Variants in USP51 observed in about 807,000 individuals in gnomAD.
USP51 encodes the protein ubiquitin specific peptidase 51.
Under a neutral mutation model 17.6 loss-of-function variants are expected in USP51, and 5 were observed. That is an observed-to-expected ratio of 0.28 (90% CI 0.15 to 0.60). The LOEUF is 0.60. Among genes scored for constraint, USP51 ranks in the 20% least tolerant of loss-of-function variants. The pLI, the probability that USP51 is intolerant of heterozygous loss-of-function variation, is 0.88. For synonymous variants in USP51, 248 were observed against 216.1 expected (o/e 1.15, Z -1.29); for missense variants, 459 against 559.5 (o/e 0.82, Z 1.81).
In USP51 at chrX:55,485,477, C is replaced by T. The variant is rs921255379; in HGVS notation, c.*1327G>A. 3 of 104,415 alleles carry T rather than the reference C, an allele frequency of 2.9e-5. No homozygotes were observed. Among genetic ancestry groups the T allele is most frequent in the Non-Finnish European group, 5.9e-5 (3 of 51,249 alleles). The allele number at this position is 104,415 out of a possible 1,213,427, so 8.6% of individuals were successfully genotyped here. A position where few individuals can be genotyped will look rare whatever the true frequency, so the allele number is the denominator to read the frequency against. ...TTAAAATGTCTATTTCCTTTTCCAA[C>T]GTATATTGATATATCAACATAAAGC... On this transcript the variant is annotated 3_prime_UTR_variant, in exon 3 of 3. Transcript: ENST00000500968.
At position 55,488,761 on chromosome X, in the gene USP51, GGCTCCA is replaced by G. The variant is rs1303317370; in HGVS notation, c.173_178del (p.Leu58_Glu59del). 1 of 1,209,101 alleles carries G rather than the reference GGCTCCA, an allele frequency of 8.3e-7. No individual in the cohort carries two copies. Among genetic ancestry groups the G allele is most frequent in the Non-Finnish European group, 1.1e-6 (1 of 895,517 alleles). On this transcript the variant is annotated inframe_deletion, in exon 3 of 3. Transcript: ENST00000500968. ...CGGCGCGGGCTCACGCTCTTGTAAT[GGCTCCA>G]GCTTCATCTCCTCGGCTTCACGTCT...
At position 55,485,393 on chromosome X, in the gene USP51, G is replaced by A. The variant is rs2031299218; in HGVS notation, c.*1411C>T. On this transcript the variant is annotated 3_prime_UTR_variant, in exon 3 of 3. Coordinates refer to ENST00000500968, the MANE Select transcript of USP51 (RefSeq NM_201286.4). ...GGGCATGGAATCTCAAGAGGGGAAGGTGGGTTAGTTAGTGTTTAGGCCTTG... is the reference window on the plus strand; with the variant it reads ...GGGCATGGAATCTCAAGAGGGGAAGATGGGTTAGTTAGTGTTTAGGCCTTG... 1 of 111,112 alleles carries A rather than the reference G, an allele frequency of 9.0e-6. No homozygotes were observed. The highest frequency in any genetic ancestry group is 1.9e-5 in the Non-Finnish European group (1 of 53,036). The allele number at this position is 111,112 out of a possible 1,213,427, so 9.2% of individuals were successfully genotyped here.
rs1469941441 is a variant in USP51, at chrX:55,488,418, C to G, written c.522G>C (p.Gly174=). ...ACCAGTCCCCTAAGCCGCCAGGATCCCCCGACCCGTCTAGGTCACCAGAGC... is the reference window on the plus strand; with the variant it reads ...ACCAGTCCCCTAAGCCGCCAGGATCGCCCGACCCGTCTAGGTCACCAGAGC... ...RSCSGDLDGS[G]DPGGLGDWLL... Residue 174 remains glycine (G), a synonymous_variant, in exon 3 of 3, where the codon GGG becomes GGC. Coordinates refer to ENST00000500968, the MANE Select transcript of USP51 (RefSeq NM_201286.4). The G allele has an allele frequency of 8.3e-7, 1 of 1,211,409 alleles. No homozygotes were observed. The highest frequency in any genetic ancestry group is 1.7e-5 in the African/African-American group (1 of 57,904).
rs1342901315 is a variant in USP51 at position 55,489,311 on chromosome X, C to A, written c.-192G>T. On this transcript the variant is annotated 5_prime_UTR_variant, in exon 2 of 3. Coordinates refer to ENST00000500968, the MANE Select transcript of USP51 (RefSeq NM_201286.4). ...GCGCCACCCTCTGACTGCTTTTTTGCGCCCTGCGCAGCCTCGCTTTGGTGC... is the reference window on the plus strand; with the variant it reads ...GCGCCACCCTCTGACTGCTTTTTTGAGCCCTGCGCAGCCTCGCTTTGGTGC... 1 of 167,978 alleles carries A rather than the reference C, an allele frequency of 6.0e-6. No individual in the cohort carries two copies. 13.8% of individuals were successfully genotyped at this position (167,978 alleles called of 1,213,427 possible).
chrX:55,486,490 G>C lies in USP51; in HGVS notation c.*314C>G. On this transcript the variant is annotated 3_prime_UTR_variant, in exon 3 of 3. Transcript: ENST00000500968. ...ACAAGATATTTCTGTAAAAACAAAT[G>C]ACATAGAGTAGCATCAGAACACTTC... 1 of 196,559 alleles carries C rather than the reference G, an allele frequency of 5.1e-6. No homozygotes were observed. The highest frequency in any genetic ancestry group is 9.2e-5 in the East Asian group (1 of 10,862). 16.2% of individuals were successfully genotyped at this position (196,559 alleles called of 1,213,427 possible). A position where few individuals can be genotyped will look rare whatever the true frequency, so the allele number is the denominator to read the frequency against.
At position 55,485,503 on chromosome X, in the gene USP51, T is replaced by G. The variant is rs936703926; in HGVS notation, c.*1301A>C. On this transcript the variant is annotated 3_prime_UTR_variant, in exon 3 of 3. Coordinates refer to ENST00000500968, the MANE Select transcript of USP51 (RefSeq NM_201286.4). ...GTATATTGATATATCAACATAAAGC[T>G]CAAAAAAAAAAATATATATATATAT... 3 of 95,483 alleles carry G rather than the reference T, an allele frequency of 3.1e-5. No individual in the cohort carries two copies. The highest frequency in any genetic ancestry group is 6.3e-5 in the Non-Finnish European group (3 of 47,402). The allele number at this position is 95,483 out of a possible 1,213,427, so 7.9% of individuals were successfully genotyped here.
chrX:55,489,220 C>A lies in USP51; in HGVS notation c.-101G>T, dbSNP rs2031386616. On this transcript the variant is annotated 5_prime_UTR_variant, in exon 2 of 3. Coordinates refer to ENST00000500968, the MANE Select transcript of USP51 (RefSeq NM_201286.4). ...CAGGGGACTGGGAACAGAAGGCTAG[C>A]GAGCGGTGGGGGTGGGGAACGGCCT... 3.0e-6 allele frequency: 1 copy of A among 335,462 alleles called. No individual in the cohort carries two copies. The highest frequency in any genetic ancestry group is 5.2e-6 in the Non-Finnish European group (1 of 194,117). The allele number at this position is 335,462 out of a possible 1,213,427, so 27.6% of individuals were successfully genotyped here. A position where few individuals can be genotyped will look rare whatever the true frequency, so the allele number is the denominator to read the frequency against.
Position 55,488,672 on chromosome X carries a change from G to T in USP51, c.268C>A (p.Arg90Ser). 8.4e-7 allele frequency: 1 copy of T among 1,197,025 alleles called. No homozygotes were observed. Among genetic ancestry groups the T allele is most frequent in the Non-Finnish European group, 1.1e-6 (1 of 893,615 alleles). ...ACGGGCGAGGAGCTGCTGTGACAGC[G>T]AAGGGGGATTGAAGGGAGCACCTTC... ...DEKVLPSIPL[R>S]CHSSSSPVCP... Residue 90 changes from arginine (R) to serine (S), a missense_variant, in exon 3 of 3, where the codon CGC becomes AGC. Transcript: ENST00000500968.
In USP51 at chrX:55,486,069, T is replaced by A. The variant is rs1382110526; in HGVS notation, c.*735A>T. 2 of 111,514 alleles carry A rather than the reference T, an allele frequency of 1.8e-5. No homozygotes were observed. The highest frequency in any genetic ancestry group is 3.8e-5 in the Non-Finnish European group (2 of 52,987). The allele number at this position is 111,514 out of a possible 1,213,427, so 9.2% of individuals were successfully genotyped here. A position where few individuals can be genotyped will look rare whatever the true frequency, so the allele number is the denominator to read the frequency against. ...TGAAACTTTTAAGATGTTCCTTTGTTTCTAACTTTAATTTTTAACAGTATT... is the reference window on the plus strand; with the variant it reads ...TGAAACTTTTAAGATGTTCCTTTGTATCTAACTTTAATTTTTAACAGTATT... On this transcript the variant is annotated 3_prime_UTR_variant, in exon 3 of 3. Coordinates refer to ENST00000500968, the MANE Select transcript of USP51 (RefSeq NM_201286.4).
Position 55,487,450 on chromosome X carries a change from G to A in USP51, c.1490C>T (p.Thr497Ile). The A allele has an allele frequency of 8.3e-7, 1 of 1,212,040 alleles. No individual in the cohort carries two copies. Among genetic ancestry groups the A allele is most frequent in the East Asian group, 3.0e-5 (1 of 33,858 alleles). ...IFTGGLQSDV[T>I]CQACHSVSTT... ...AGAAACACTATGGCAGGCTTGACAT[G>A]TGACATCTGATTGCAGGCCACCTGT... Residue 497 changes from threonine (T) to isoleucine (I), a missense_variant, in exon 3 of 3, where the codon ACA (threonine) becomes ATA (isoleucine). Thr to Ile is a moderately conservative substitution (Grantham distance 89, BLOSUM62 -1). Coordinates refer to ENST00000500968, the MANE Select transcript of USP51 (RefSeq NM_201286.4).
Position 55,487,900 on chromosome X carries a change from T to G in USP51, c.1040A>C (p.Lys347Thr). 1.7e-6 allele frequency: 2 copies of G among 1,186,861 alleles called. No homozygotes were observed. The highest frequency in any genetic ancestry group is 2.3e-6 in the Non-Finnish European group (2 of 885,559). ...CTTTTTTCTTCTCTTTTTCTTGGGT[T>G]TCACCAATTTTGGCTCCTGTTCCTT... Reference protein sequence around the residue: ...ETKEQEPKLVKPKKKRRKKSV... With the variant: ...ETKEQEPKLVTPKKKRRKKSV... Residue 347 changes from lysine to threonine, a missense_variant, in exon 3 of 3, where the codon AAA (lysine) becomes ACA (threonine). By Grantham distance (78) the Lys-to-Thr change is moderately conservative (BLOSUM62 -1). This residue lies in a region of USP51 where 227 missense variants were observed against 365.5 expected (regional missense o/e 0.62). Transcript: ENST00000500968.
In USP51 at chrX:55,486,621, C is replaced by T. The variant is rs763709617; in HGVS notation, c.*183G>A. 1 of 505,628 alleles carries T rather than the reference C, an allele frequency of 2.0e-6. No homozygotes were observed. Among genetic ancestry groups the T allele is most frequent in the East Asian group, 3.9e-5 (1 of 25,676 alleles). 41.7% of individuals were successfully genotyped at this position (505,628 alleles called of 1,213,427 possible). On this transcript the variant is annotated 3_prime_UTR_variant, in exon 3 of 3. Coordinates refer to ENST00000500968, the MANE Select transcript of USP51 (RefSeq NM_201286.4). ...CCCATTTCTTAAGGTTGAATGGTCA[C>T]TGGTTAGTATTCATTTTTTTCTTCC...
rs1290027873 is a variant in USP51 at position 55,488,909 on chromosome X, A to C, written c.31T>G (p.Ser11Ala). 4 of 1,207,045 alleles carry C rather than the reference A, an allele frequency of 3.3e-6. No homozygotes were observed. The highest frequency in any genetic ancestry group is 2.2e-5 in the Admixed American group (1 of 45,785). The change falls in exon 3 of 3, where the codon TCC becomes GCC. Residue 11 changes from serine to alanine, a missense_variant. This residue lies in a region of USP51 where 232 missense variants were observed against 194.0 expected (regional missense o/e 1.20). Coordinates refer to ENST00000500968, the MANE Select transcript of USP51 (RefSeq NM_201286.4). MAQVRETSLP[S>A]GSGVRWISGG... ...GAGATCCAGCGGACCCCAGAGCCGG[A>C]GGGCAAAGAAGTTTCTCGAACCTGG...
At position 55,487,373 on chromosome X, in the gene USP51, C is replaced by A; in HGVS notation, c.1567G>T (p.Ala523Ser). Residue 523 changes from alanine to serine, a missense_variant, in exon 3 of 3, where the codon GCC (alanine) becomes TCC (serine). This residue lies in a region of USP51 where 227 missense variants were observed against 365.5 expected (regional missense o/e 0.62). Transcript: ENST00000500968. ...DISLDLPGSC[A>S]TFDSQNPERA... ...TCTGGGTTCTGGGAATCGAATGTGG[C>A]ACAAGAGCCAGGCAAGTCCAAACTG... The A allele has an allele frequency of 8.3e-7, 1 of 1,211,819 alleles. No homozygotes were observed. Among genetic ancestry groups the A allele is most frequent in the South Asian group, 1.8e-5 (1 of 56,962 alleles).
At position 55,487,941 on chromosome X, in the gene USP51, T is replaced by G. The variant is rs1489695461; in HGVS notation, c.999A>C (p.Gln333His). The G allele has an allele frequency of 8.4e-7, 1 of 1,189,664 alleles. No homozygotes were observed. The highest frequency in any genetic ancestry group is 1.8e-5 in the African/African-American group (1 of 56,493). ...CCTGTTCCTTTGTCTCACAGGTTGA[T>G]TGCTTGTCTTCAAACCCTGATGTCA... ...QFMTSGFEDK[Q>H]STCETKEQEP... The change falls in exon 3 of 3, where the codon CAA becomes CAC. Residue 333 changes from glutamine to histidine, a missense_variant. Physicochemically the swap from Gln to His is conservative, Grantham distance 24. Transcript: ENST00000500968.
At position 55,487,302 on chromosome X, in the gene USP51, G is replaced by T; in HGVS notation, c.1638C>A (p.Ile546=). The T allele has an allele frequency of 1.7e-6, 2 of 1,211,323 alleles. No homozygotes were observed. Among genetic ancestry groups the T allele is most frequent in the Non-Finnish European group, 2.2e-6 (2 of 895,263 alleles). Residue 546 remains isoleucine (I), a synonymous_variant, in exon 3 of 3, where the codon ATC becomes ATA. Transcript: ENST00000500968. ...TVSRDDHIPG[I]PSLTDCLQWF... ...ACTGTAGACAGTCTGTAAGTGAGGG[G>T]ATTCCTGGTATGTGGTCATCCCTGC...
chrX:55,485,206 T>C lies in USP51; in HGVS notation c.*1598A>G, dbSNP rs1024824533. On this transcript the variant is annotated 3_prime_UTR_variant, in exon 3 of 3. Coordinates refer to ENST00000500968, the MANE Select transcript of USP51 (RefSeq NM_201286.4). ...AAGCCAGAGCTTCACAGCTGTGATC[T>C]AACTTCTCTAAGCCACCAAATTATC... 2 of 112,073 alleles carry C rather than the reference T, an allele frequency of 1.8e-5. No homozygotes were observed. Among genetic ancestry groups the C allele is most frequent in the Non-Finnish European group, 3.8e-5 (2 of 53,222 alleles). 9.2% of individuals were successfully genotyped at this position (112,073 alleles called of 1,213,427 possible). A position where few individuals can be genotyped will look rare whatever the true frequency, so the allele number is the denominator to read the frequency against.
rs374757144 is a variant in USP51, at chrX:55,488,729, T to A, written c.211A>T (p.Asn71Tyr). ...LQEREPAPEENLTWSSSGGDE... is the reference protein window; with the variant it reads ...LQEREPAPEEYLTWSSSGGDE... The stretch of plus-strand genomic sequence containing the variant: ...CCGCCGCTGCTGCTCCACGTCAAGT[T>A]CTCCTCCGGCGCGGGCTCACGCTCT... The change falls in exon 3 of 3, where the codon AAC becomes TAC. Residue 71 changes from asparagine (N) to tyrosine (Y), a missense_variant. Coordinates refer to ENST00000500968, the MANE Select transcript of USP51 (RefSeq NM_201286.4). 35 of 1,204,537 alleles carry A rather than the reference T, an allele frequency of 2.9e-5. No homozygotes were observed. Among genetic ancestry groups the A allele is most frequent in the East Asian group, 1.2e-4 (4 of 33,822 alleles).
At position 55,488,366 on chromosome X, in the gene USP51, G is replaced by A; in HGVS notation, c.574C>T (p.Pro192Ser). The A allele has an allele frequency of 1.7e-6, 2 of 1,211,582 alleles. No individual in the cohort carries two copies. Among genetic ancestry groups the A allele is most frequent in the East Asian group, 3.0e-5 (1 of 33,829 alleles). Residue 192 changes from proline to serine, a missense_variant, in exon 3 of 3, where the codon CCC (proline) becomes TCC (serine). By Grantham distance (74) the Pro-to-Ser change is moderately conservative. Coordinates refer to ENST00000500968, the MANE Select transcript of USP51 (RefSeq NM_201286.4). The stretch of plus-strand genomic sequence containing the variant: ...CTCTCCACATGAGAGCAGCCTGTGG[G>A]ACCCTGACCAAACTCGACCTCCAGC... ...WLLEVEFGQG[P>S]TGCSHVESFK...
Sources: allele counts gnomAD v4.1 joint callset, GRCh38; gene constraint gnomAD v4.1.1; regional missense constraint gnomAD v4.1.1; transcripts MANE v1.5; gene names NCBI Gene and HGNC (gene_info 2026-07-23, HGNC 2026-07-21).